PLEKHA8: variants seen among roughly 807,000 people sequenced by gnomAD.
PLEKHA8 encodes pleckstrin homology domain containing A8.
A neutral mutation model predicts 68.2 loss-of-function variants in PLEKHA8; 36 were observed. That is an observed-to-expected ratio of 0.53 (90% confidence interval 0.40 to 0.70). PLEKHA8 has a LOEUF of 0.70. Ranked by LOEUF, PLEKHA8 falls within the 30% of genes least tolerant of loss-of-function variation. The pLI, the probability that PLEKHA8 is intolerant of heterozygous loss-of-function variation, is 0.00. For synonymous variants in PLEKHA8, 211 were observed against 216.1 expected (o/e 0.98, Z 0.20); for missense variants, 505 against 615.4 (o/e 0.82, Z 1.90).
At chr7:30,063,637 T>G (rs976735442) in intron 12 of PLEKHA8, among the ~76,000 whole-genome samples, 1 of 152,204 alleles carries the variant, frequency 6.6e-6, no homozygotes, top group Non-Finnish European at 1.5e-5. Flanking sequence ...TCCTCAAGAA[T>G]TCTGCCCCCA....
intron 10 of PLEKHA8, among the ~76,000 whole-genome samples, chr7:30,061,583 T>C (rs912439533): frequency 6.6e-6 from 1 of 152,218 alleles, no homozygotes; most frequent in Non-Finnish European, 1.5e-5. Flanking sequence ...GTAGTCTCAT[T>C]AGAACAAATG....
At chr7:30,064,222 GGTGCAT>G (rs202136263) in intron 12 of PLEKHA8, among the ~76,000 whole-genome samples, 6,294 of 152,314 alleles carry the variant, frequency 0.041, 162 homozygotes, top group Non-Finnish European at 0.063. Context: ...ATATTAAGTA[GGTGCAT>G]GTGCATGTGA....
At chr7:30,034,266 C>T (rs1010416474) in intron 1 of PLEKHA8, among the ~76,000 whole-genome samples, 4 of 151,854 alleles carry the variant, frequency 2.6e-5, no homozygotes, top group Admixed American at 6.6e-5. Context: ...GCCTCGGCCT[C>T]CCAAAGTGCT....
intron 12 of PLEKHA8, among the ~76,000 whole-genome samples, chr7:30,064,866 A>G (rs922950315): frequency 6.6e-6 from 1 of 152,082 alleles, no homozygotes; most frequent in African/African-American, 2.4e-5. Flanking sequence ...TCATGCTGCT[A>G]TTACTTTGTT....
At chr7:30,036,855 C>G (rs537722316) in intron 1 of PLEKHA8, among the ~76,000 whole-genome samples, 3 of 152,246 alleles carry the variant, frequency 2.0e-5, no homozygotes, top group South Asian at 2.1e-4. Flanking sequence ...AATTAAGAAG[C>G]CTATAATTTA....
Position 30,083,338 on chromosome 7 carries a change from C to T in PLEKHA8, c.*4551C>T, listed in dbSNP as rs770308740. The T allele has an allele frequency of 1.7e-5, 17 of 985,032 alleles. No individual in the cohort carries two copies. The highest frequency in any genetic ancestry group is 2.0e-5 in the Non-Finnish European group (17 of 829,578). 61.0% of individuals were successfully genotyped at this position (985,032 alleles called of 1,614,324 possible). On this transcript the variant is annotated 3_prime_UTR_variant, in exon 14 of 14. Transcript: ENST00000449726. The stretch of plus-strand genomic sequence containing the variant: ...CATAGTCATTTCATAAAAAATAATT[C>T]ACTAGCTGTCTAATGGTATTTTAAG...
chr7:30,036,693 A>G (rs190040358), intron 1 of PLEKHA8, among the ~76,000 whole-genome samples: 8 of 152,286 alleles, frequency 5.3e-5, no homozygotes, highest in South Asian at 4.1e-4. Flanking sequence ...AGAGAATTTG[A>G]TATAATCTAT....
chr7:30,109,708 G>T (rs182435564), intron 13 of PLEKHA8, among the ~76,000 whole-genome samples: 113 of 118,616 alleles, frequency 9.5e-4, no homozygotes, highest in South Asian at 2.1e-3. Flanking sequence ...GTCTCACTTT[G>T]TCACCCAGGC....
At chr7:30,085,832 A>G (rs143592694), downstream of PLEKHA8, among the ~76,000 whole-genome samples, 29 of 152,260 alleles carry the variant, frequency 1.9e-4, no homozygotes, top group Admixed American at 6.5e-4. Flanking sequence ...TGTGCAAGAG[A>G]AGGAAGAAGA....
At chr7:30,059,319 G>A (rs1793245661) in intron 9 of PLEKHA8, among the ~76,000 whole-genome samples, 1 of 152,102 alleles carries the variant, frequency 6.6e-6, no homozygotes, top group Non-Finnish European at 1.5e-5. Context: ...ATTATTAATA[G>A]CATGTACATG....
At chr7:30,113,643 A>G (rs549068891) in intron 13 of PLEKHA8, among the ~76,000 whole-genome samples, 29 of 152,144 alleles carry the variant, frequency 1.9e-4, no homozygotes, top group Non-Finnish European at 3.4e-4. Context: ...ATCTCTTTGA[A>G]TACTACCACC....
chr7:30,054,657 T>A, intron 7 of PLEKHA8, 52 bp from the exon 8 acceptor site: 1 of 1,158,914 alleles, frequency 8.6e-7, no homozygotes, highest in South Asian at 3.1e-5. Flanking sequence ...TCAATATGTA[T>A]TTTTATAATA....
Position 30,073,670 on chromosome 7 carries a change from C to A in PLEKHA8, c.1301-401C>A, listed in dbSNP as rs547726393. On this transcript the variant is annotated intron_variant, in intron 12 of 13. Coordinates refer to ENST00000449726, the MANE Select transcript of PLEKHA8 (RefSeq NM_001197026.2). ...AGATTTTTTTCATAATTTCCAAATA[C>A]CAATAGTATCGTGCTACTATGCATT... is the stretch of plus-strand genomic sequence containing the variant. Among the ~76,000 whole-genome samples, 3 of 150,750 alleles carry A rather than the reference C, an allele frequency of 2.0e-5. No individual in the cohort carries two copies. The South Asian group carries it at 6.3e-4, about 32-fold the overall frequency.
chr7:30,042,701 T>G (rs1791631452), intron 1 of PLEKHA8, among the ~76,000 whole-genome samples: 1 of 152,234 alleles, frequency 6.6e-6, no homozygotes, highest in Non-Finnish European at 1.5e-5. Context: ...GGGATTGGTT[T>G]CCTTATCTAT....
intron 12 of PLEKHA8, among the ~76,000 whole-genome samples, chr7:30,063,058 TA>T (rs1330743046): frequency 6.6e-6 from 1 of 152,222 alleles, no homozygotes. Flanking sequence ...TCTTCAAATA[TA>T]TTATAGTCTT....
intron 13 of PLEKHA8, among the ~76,000 whole-genome samples, chr7:30,096,275 C>G (rs75145495): frequency 0.042 from 6,341 of 152,218 alleles, 162 homozygotes; most frequent in Non-Finnish European, 0.064. Context: ...GTATTTTATT[C>G]TCTTTGAAGC....
intron 12 of PLEKHA8, among the ~76,000 whole-genome samples, chr7:30,063,749 C>G (rs1793624708): frequency 6.6e-6 from 1 of 152,186 alleles, no homozygotes; most frequent in Non-Finnish European, 1.5e-5. Flanking sequence ...ACTTCATAAA[C>G]TTAATCCTCA....
At chr7:30,124,659 C>T (rs1236390063) in intron 13 of PLEKHA8, among the ~76,000 whole-genome samples, 1 of 152,050 alleles carries the variant, frequency 6.6e-6, no homozygotes, top group Non-Finnish European at 1.5e-5. Flanking sequence ...CTAGGTCTTA[C>T]CAGAATAATT....
At chr7:30,062,764 TTGAA>T in intron 12 of PLEKHA8, 22 bp downstream of exon 12, 1 of 1,580,596 alleles carries the variant, frequency 6.3e-7, no homozygotes, top group Non-Finnish European at 8.7e-7. Flanking sequence ...TTATGTTTTG[TTGAA>T]TGAGTCAATA....
Sources: allele counts gnomAD v4.1 joint callset (sites outside exome capture counted in the v4.1 genomes callset), GRCh38; gene constraint gnomAD v4.1.1; transcripts MANE v1.5; gene names NCBI Gene and HGNC (gene_info 2026-07-23, HGNC 2026-07-21).